The following WDR4 variants were observed in gnomAD, a reference collection of about 807,000 sequenced individuals.
WDR4 encodes WDR4 tRNA N7-guanosine methyltransferase non-catalytic subunit.
In WDR4, 47 loss-of-function variants were observed where a neutral mutation model predicts 48.6. The observed-to-expected ratio is 0.97, with a 90% CI of 0.77 to 1.23. WDR4 has a LOEUF of 1.23. Ranked by LOEUF, WDR4 falls within the 50% of genes most tolerant of loss-of-function variation. WDR4 has a pLI of 0.00. For missense variants in WDR4, 606 were observed against 551.6 expected (o/e 1.10, Z -0.99); for synonymous variants, 268 against 230.0 (o/e 1.17, Z -1.49).
At chr21:42,851,112 C>A (rs945315867) in intron 10 of WDR4, among the ~76,000 whole-genome samples, 1 of 152,190 alleles carries the variant, frequency 6.6e-6, no homozygotes, top group Non-Finnish European at 1.5e-5. Flanking sequence ...CTCAGGAGAG[C>A]GAGCCCAGGC....
At chr21:42,892,375 AG>A in the WDR4 span, among the ~76,000 whole-genome samples, 1 of 151,714 alleles carries the variant, frequency 6.6e-6, no homozygotes, top group Admixed American at 6.6e-5. Flanking sequence ...TTTGCCTCCC[AG>A]GGTGGATGGT....
intron 5 of WDR4, among the ~76,000 whole-genome samples, chr21:42,861,735 A>G (rs2058121084): frequency 6.6e-6 from 1 of 152,210 alleles, no homozygotes; most frequent in Non-Finnish European, 1.5e-5. Flanking sequence ...TGCCTCAAAT[A>G]ATATATTTTA....
chr21:42,872,550 G>A (rs1322765524), intron 3 of WDR4, among the ~76,000 whole-genome samples: 4 of 150,386 alleles, frequency 2.7e-5, no homozygotes, highest in African/African-American at 7.4e-5. Context: ...GGCGGAGGCT[G>A]TAGTGAGCCA....
chr21:42,861,613 A>T (rs1365850056), intron 5 of WDR4, among the ~76,000 whole-genome samples: 1 of 152,274 alleles, frequency 6.6e-6, no homozygotes, highest in East Asian at 1.9e-4. Context: ...AGAAGAAGCT[A>T]TCCTGAGGCA....
intron 6 of WDR4, 66 bp downstream of exon 6, chr21:42,859,596 C>CCGG: frequency 8.6e-6 from 4 of 467,726 alleles, no homozygotes; most frequent in Non-Finnish European, 1.6e-5. Context: ...GTCCAGGAGG[C>CCGG]GCCCACCCCA....
intron 3 of WDR4, among the ~76,000 whole-genome samples, chr21:42,865,744 A>AGGGTCTC (rs1037305373): frequency 2.6e-5 from 4 of 151,824 alleles, no homozygotes; most frequent in South Asian, 2.1e-4. Flanking sequence ...CAGCCTGTGC[A>AGGGTCTC]GGGTCTCGGG....
chr21:42,857,137 G>C (rs1296914336), intron 6 of WDR4, among the ~76,000 whole-genome samples: 1 of 152,064 alleles, frequency 6.6e-6, no homozygotes, highest in Non-Finnish European at 1.5e-5. Context: ...GGACCTCCCT[G>C]ATGCATCCTC....
chr21:42,874,338 T>C (rs374494510), intron 2 of WDR4, among the ~76,000 whole-genome samples: 1 of 152,212 alleles, frequency 6.6e-6, no homozygotes, highest in Non-Finnish European at 1.5e-5. Flanking sequence ...GGAGGATGTA[T>C]GTCACCTCGG....
chr21:42,861,994 G>A (rs985907313), intron 5 of WDR4, among the ~76,000 whole-genome samples: 4 of 152,130 alleles, frequency 2.6e-5, no homozygotes, highest in Non-Finnish European at 5.9e-5. Flanking sequence ...ATGGTGCAGG[G>A]GTCTCCACAC....
intron 5 of WDR4, among the ~76,000 whole-genome samples, chr21:42,860,594 C>T (rs1489208313): frequency 6.6e-6 from 1 of 152,254 alleles, no homozygotes; most frequent in African/African-American, 2.4e-5. Flanking sequence ...GAGCCGGGCC[C>T]GGTCCCGCAG....
chr21:42,852,504 C>T (rs2057860604), intron 9 of WDR4, among the ~76,000 whole-genome samples, 180 bp from the exon 10 acceptor site: 1 of 152,364 alleles, frequency 6.6e-6, no homozygotes, highest in South Asian at 2.1e-4. Context: ...GCCCATGATG[C>T]CAGGGCAAGC....
chr21:42,882,757 G>GT (rs1433472511), upstream of WDR4, among the ~76,000 whole-genome samples: 3 of 151,970 alleles, frequency 2.0e-5, no homozygotes, highest in African/African-American at 7.2e-5. Flanking sequence ...GAGGTCAGAA[G>GT]TTTGAGACCA....
chr21:42,863,213 G>A (rs1353714061), intron 4 of WDR4, among the ~76,000 whole-genome samples: 1 of 152,142 alleles, frequency 6.6e-6, no homozygotes, highest in Admixed American at 6.5e-5. Context: ...CCCTGCTACG[G>A]GGGAGCCCCA....
intron 11 of WDR4, among the ~76,000 whole-genome samples, chr21:42,844,114 A>C (rs550948125): frequency 1.3e-5 from 2 of 152,222 alleles, no homozygotes; most frequent in Non-Finnish European, 1.5e-5. Flanking sequence ...ACGTGGAAAC[A>C]GAATCTACCA....
At chr21:42,859,984 G>A (rs1032241891) in intron 5 of WDR4, among the ~76,000 whole-genome samples, 3 of 152,068 alleles carry the variant, frequency 2.0e-5, no homozygotes, top group Admixed American at 6.6e-5. Flanking sequence ...AACCCAGGCC[G>A]CTCCTCAGCC....
chr21:42,891,748 G>A, the WDR4 span, among the ~76,000 whole-genome samples: 2 of 152,016 alleles, frequency 1.3e-5, no homozygotes, highest in African/African-American at 2.4e-5. Flanking sequence ...TTTGAGGTCA[G>A]GAGTTCGAGA....
chr21:42,870,355 CAAAG>C (rs1308639436), intron 3 of WDR4, among the ~76,000 whole-genome samples: 2 of 151,670 alleles, frequency 1.3e-5, no homozygotes, highest in Non-Finnish European at 1.5e-5. Context: ...TGTCTCAAAA[CAAAG>C]AAAGAAAGAA....
chr21:42,854,577 G>A lies in WDR4; in HGVS notation c.776C>T (p.Ala259Val), dbSNP rs145747081. The change falls in exon 8 of 11, where the codon GCG becomes GTG. Residue 259 changes from alanine to valine, a missense_variant. By Grantham distance (64) the Ala-to-Val change is moderately conservative. Coordinates refer to ENST00000398208, the MANE Select transcript of WDR4 (RefSeq NM_018669.6). ...IAFWCQENCVALLCDGTPVVY... is the reference protein window; with the variant it reads ...IAFWCQENCVVLLCDGTPVVY... ...CGCAGCTTACCCGTCGCACAGGAGC[G>A]CCACGCAGTTCTCCTGGCACCAGAA... 9.9e-6 allele frequency: 16 copies of A among 1,613,658 alleles called. No homozygotes were observed. Among genetic ancestry groups the A allele is most frequent in the Non-Finnish European group, 1.2e-5 (14 of 1,179,896 alleles).
intron 9 of WDR4, 152 bp downstream of exon 9, chr21:42,853,417 G>T: frequency 1.1e-6 from 1 of 922,320 alleles, no homozygotes; most frequent in Non-Finnish European, 1.6e-6. Context: ...GGAAGCCCCA[G>T]CCACTGCCAT....
Sources: allele counts gnomAD v4.1 joint callset (sites outside exome capture counted in the v4.1 genomes callset), GRCh38; gene constraint gnomAD v4.1.1; transcripts MANE v1.5; gene names NCBI Gene and HGNC (gene_info 2026-07-23, HGNC 2026-07-21).